Variants in CLASP2 observed in about 807,000 individuals in gnomAD.
The protein encoded by CLASP2 is cytoplasmic linker associated protein 2.
Under a neutral mutation model 194.4 loss-of-function variants are expected in CLASP2, and 47 were observed. The observed-to-expected ratio is 0.24, with a 90% CI of 0.19 to 0.31. CLASP2 has a LOEUF of 0.31. Among genes scored for constraint, CLASP2 ranks in the 10% least tolerant of loss-of-function variants. The probability of loss-of-function intolerance (pLI) is 1.00; values close to 1 mark genes in which losing one functional copy is unlikely to be tolerated. For missense variants in CLASP2, 1,445 were observed against 1,823.6 expected (o/e 0.79, Z 3.78); for synonymous variants, 619 against 633.5 (o/e 0.98, Z 0.34).
chr3:33,607,585 A>G (rs144006996), intron 14 of CLASP2, 124 bp from the exon 15 acceptor site: 1 of 567,276 alleles, frequency 1.8e-6, no homozygotes, highest in Non-Finnish European at 3.0e-6. Flanking sequence ...AAAATTAATT[A>G]GTGTACAATA....
intron 6 of CLASP2, among the ~76,000 whole-genome samples, chr3:33,664,047 A>ATAAT (rs1422477247): frequency 6.6e-6 from 1 of 152,176 alleles, no homozygotes; most frequent in Non-Finnish European, 1.5e-5. Context: ...TATATTCAGG[A>ATAAT]TAATTACACT....
At chr3:33,545,061 A>C (rs1346459838) in intron 30 of CLASP2, 5 of 364,456 alleles carry the variant, frequency 1.4e-5, no homozygotes, top group Non-Finnish European at 2.4e-5. Flanking sequence ...TATGAAAAGC[A>C]TAACAAATAT....
Position 33,718,197 on chromosome 3 carries a change from C to T in CLASP2, c.-195G>A, listed in dbSNP as rs2125499192. ...CCCCCAAACTAGTCAAACTCGGCGC[C>T]CCCCGATCCCCAGCCCGCTTCAGAG... On this transcript the variant is annotated 5_prime_UTR_variant, in exon 1 of 39. Coordinates refer to ENST00000682230, the MANE Select transcript of CLASP2 (RefSeq NM_001365631.1). The T allele has an allele frequency of 5.3e-6, 2 of 379,418 alleles. No homozygotes were observed. Among genetic ancestry groups the T allele is most frequent in the Middle Eastern group, 7.0e-4 (1 of 1,430 alleles). The allele number at this position is 379,418 out of a possible 1,614,324, so 23.5% of individuals were successfully genotyped here.
Position 33,686,692 on chromosome 3 carries a change from G to T in CLASP2, c.546+368C>A, listed in dbSNP as rs1009828319. ...TCTGTTAAGTAGGGTTCTTACAATT[G>T]CAAAATGTTATGCAGCCAATTTCAG... On this transcript the variant is annotated intron_variant, in intron 5 of 38. Transcript: ENST00000682230. 2.0e-5 allele frequency among the ~76,000 whole-genome samples: 3 copies of T among 152,088 alleles called. No individual in the cohort carries two copies. In the East Asian group the frequency reaches 5.8e-4, roughly 29 times the overall value.
chr3:33,503,586 C>G (rs944530501), intron 37 of CLASP2: 4 of 152,072 alleles, frequency 2.6e-5, no homozygotes, highest in African/African-American at 9.7e-5. Flanking sequence ...CGCCACCATG[C>G]CTGGCTAATT....
At position 33,608,554 on chromosome 3, in the gene CLASP2, A is replaced by T. The variant is rs2074395629; in HGVS notation, c.1448+13T>A. On this transcript the variant is annotated intron_variant, in intron 14 of 38. Coordinates refer to ENST00000682230, the MANE Select transcript of CLASP2 (RefSeq NM_001365631.1). ...GGGGAGGAAAGTGGGAGGAAGGAAGAGGGAATGCATACCTTTCCAATGAAT... is the reference window on the plus strand; with the variant it reads ...GGGGAGGAAAGTGGGAGGAAGGAAGTGGGAATGCATACCTTTCCAATGAAT... 2.5e-6 allele frequency: 4 copies of T among 1,601,212 alleles called. No individual in the cohort carries two copies. The highest frequency in any genetic ancestry group is 3.4e-6 in the Non-Finnish European group (4 of 1,170,646).
chr3:33,547,060 T>C (rs750610812), intron 30 of CLASP2, among the ~76,000 whole-genome samples: 1 of 152,244 alleles, frequency 6.6e-6, no homozygotes, highest in African/African-American at 2.4e-5. Context: ...ACTACATTAA[T>C]AGATTTTTGG....
chr3:33,620,978 T>C (rs1262062967), intron 11 of CLASP2, among the ~76,000 whole-genome samples: 1 of 150,792 alleles, frequency 6.6e-6, no homozygotes, highest in South Asian at 2.1e-4. Context: ...GATTCCCATA[T>C]TATGATCTCT....
At chr3:33,556,403 A>G (rs1016787005) in intron 29 of CLASP2, among the ~76,000 whole-genome samples, 5 of 151,038 alleles carry the variant, frequency 3.3e-5, no homozygotes, top group Non-Finnish European at 7.4e-5. Context: ...TATTCTAAAC[A>G]CTGGTGTAAG....
intron 21 of CLASP2, among the ~76,000 whole-genome samples, chr3:33,589,211 C>T (rs75162277): frequency 0.014 from 2,122 of 152,130 alleles, 14 homozygotes; most frequent in Middle Eastern, 0.051. Flanking sequence ...AAGTTTCTGA[C>T]GGGCTGTACA....
intron 6 of CLASP2, among the ~76,000 whole-genome samples, chr3:33,669,478 T>C (rs1462553685): frequency 2.0e-5 from 3 of 151,546 alleles, no homozygotes; most frequent in Non-Finnish European, 2.9e-5. Context: ...CAAAAGCAAG[T>C]CACAGAGTGA....
intron 9 of CLASP2, among the ~76,000 whole-genome samples, chr3:33,629,731 T>C (rs1308277469): frequency 2.6e-5 from 4 of 151,114 alleles, no homozygotes; most frequent in Non-Finnish European, 4.4e-5. Flanking sequence ...AAGTTGGGAA[T>C]ATCCACAGTT....
intron 30 of CLASP2, among the ~76,000 whole-genome samples, chr3:33,548,336 TGCCCGGGCTGGA>T (rs2059466821): frequency 6.6e-6 from 1 of 152,020 alleles, no homozygotes; most frequent in South Asian, 2.1e-4. Flanking sequence ...CTCCCTCTGT[TGCCCGGGCTGGA>T]GTGCAGTGGC....
In CLASP2 at chr3:33,573,266, C is replaced by T. The variant is rs184615866; in HGVS notation, c.2543G>A (p.Arg848His). The T allele has an allele frequency of 2.5e-6, 4 of 1,613,838 alleles. No individual in the cohort carries two copies. The highest frequency in any genetic ancestry group is 2.2e-5 in the East Asian group (1 of 44,870). Reference sequence around the variant, plus strand: ...ACTACCATTTCGAGAACTATAGGAGCGTTCTGAACAAGCACTAGATGCATC... The same window carrying T: ...ACTACCATTTCGAGAACTATAGGAGTGTTCTGAACAAGCACTAGATGCATC... ...NSDASSACSE[R>H]SYSSRNGSIP... The change falls in exon 25 of 39, where the codon CGC becomes CAC. Residue 848 changes from arginine (R) to histidine (H), a missense_variant. Around this residue, in one of 4 missense-constraint regions of CLASP2, gnomAD observed 732 missense variants for 987.9 expected, o/e 0.74. Transcript: ENST00000682230.
chr3:33,562,900 A>G (rs980784998), intron 27 of CLASP2, among the ~76,000 whole-genome samples: 1 of 152,156 alleles, frequency 6.6e-6, no homozygotes, highest in Non-Finnish European at 1.5e-5. Context: ...GTTGTGCTCT[A>G]TCCACTCTAT....
intron 21 of CLASP2, among the ~76,000 whole-genome samples, chr3:33,586,879 A>G (rs1366859079): frequency 6.6e-6 from 1 of 152,062 alleles, no homozygotes; most frequent in East Asian, 1.9e-4. Flanking sequence ...AGAGAGGGGC[A>G]CTGTGTAAAG....
At chr3:33,596,600 ATAAG>A (rs1312479745) in intron 19 of CLASP2, 107 bp downstream of exon 19, 8 of 784,664 alleles carry the variant, frequency 1.0e-5, no homozygotes, top group Non-Finnish European at 1.5e-5. Context: ...TTATCACTAA[ATAAG>A]TATTAATAAT....
intron 1 of CLASP2, among the ~76,000 whole-genome samples, chr3:33,710,230 T>A (rs1575770207): frequency 6.6e-6 from 1 of 152,340 alleles, no homozygotes; most frequent in East Asian, 1.9e-4. Context: ...CTTTTATTCA[T>A]CCTCATCCTA....
At chr3:33,711,584 G>A (rs191267034) in intron 1 of CLASP2, among the ~76,000 whole-genome samples, 1 of 151,666 alleles carries the variant, frequency 6.6e-6, no homozygotes, top group Non-Finnish European at 1.5e-5. Flanking sequence ...ATCAAATAAG[G>A]ACCATAAAAC....
Sources: allele counts gnomAD v4.1 joint callset (sites outside exome capture counted in the v4.1 genomes callset), GRCh38; gene constraint gnomAD v4.1.1; regional missense constraint gnomAD v4.1.1; transcripts MANE v1.5; gene names NCBI Gene and HGNC (gene_info 2026-07-23, HGNC 2026-07-21).